Variants in OSBPL10 observed in about 807,000 individuals in gnomAD.
OSBPL10 encodes the protein oxysterol binding protein like 10.
Under a neutral mutation model 81.7 loss-of-function variants are expected in OSBPL10, and 49 were observed. The observed-to-expected ratio is 0.60, with a 90% CI of 0.48 to 0.76. The LOEUF is 0.76. Among genes scored for constraint, OSBPL10 ranks in the 30% least tolerant of loss-of-function variants. OSBPL10 has a pLI of 0.00. For missense variants in OSBPL10, 923 were observed against 987.8 expected (o/e 0.93, Z 0.88); for synonymous variants, 419 against 383.6 (o/e 1.09, Z -1.08).
intron 2 of OSBPL10, chr3:31,989,870 G>T (rs1166721946): frequency 1.2e-6 from 2 of 1,613,952 alleles, no homozygotes; most frequent in African/African-American, 2.7e-5. Context: ...GATGTATGTG[G>T]CAAGGTCTTT....
intron 4 of OSBPL10, among the ~76,000 whole-genome samples, chr3:31,788,733 C>T (rs1017493253): frequency 6.6e-6 from 1 of 151,904 alleles, no homozygotes; most frequent in Non-Finnish European, 1.5e-5. Context: ...AGCTATGATG[C>T]CACCTGTGCA....
At chr3:31,675,721 G>A (rs1700451887) in intron 8 of OSBPL10, among the ~76,000 whole-genome samples, 1 of 152,070 alleles carries the variant, frequency 6.6e-6, no homozygotes, top group African/African-American at 2.4e-5. Flanking sequence ...TGAGGCGGGT[G>A]GATCACGAGG....
At chr3:31,982,469 A>T (rs1025056149), upstream of OSBPL10, among the ~76,000 whole-genome samples, 1 of 152,138 alleles carries the variant, frequency 6.6e-6, no homozygotes, top group African/African-American at 2.4e-5. Context: ...AAAAATTACT[A>T]AATGGAAAAG....
intron 4 of OSBPL10, among the ~76,000 whole-genome samples, chr3:31,808,238 G>C (rs960540265): frequency 3.9e-5 from 6 of 152,168 alleles, no homozygotes; most frequent in Admixed American, 2.0e-4. Context: ...TGGAGGGAAA[G>C]GGGGAGAAAG....
At chr3:31,795,736 C>A in intron 4 of OSBPL10, 1 of 223,438 alleles carries the variant, frequency 4.5e-6, no homozygotes, top group South Asian at 8.8e-5. Context: ...CCTCACTGAT[C>A]ACCAGAAACT....
At chr3:32,031,971 T>C (rs1022853853) in intron 2 of OSBPL10, among the ~76,000 whole-genome samples, 2 of 152,208 alleles carry the variant, frequency 1.3e-5, no homozygotes, top group African/African-American at 4.8e-5. Flanking sequence ...AGATGAGTCA[T>C]TTTAAGAATT....
intron 1 of OSBPL10, among the ~76,000 whole-genome samples, chr3:31,950,051 G>A (rs923270581): frequency 2.0e-4 from 30 of 152,150 alleles, no homozygotes; most frequent in Non-Finnish European, 3.2e-4. Flanking sequence ...CAGGGTATCC[G>A]AAAAGGGCCT....
At chr3:31,990,399 T>C (rs1699011385) in intron 2 of OSBPL10, 1 of 1,613,876 alleles carries the variant, frequency 6.2e-7, no homozygotes, top group African/African-American at 1.3e-5. Flanking sequence ...GTCGTTCATA[T>C]CTCGTAGTTC....
At chr3:31,906,345 A>G (rs1000710854) in intron 1 of OSBPL10, among the ~76,000 whole-genome samples, 1 of 152,184 alleles carries the variant, frequency 6.6e-6, no homozygotes, top group East Asian at 1.9e-4. Context: ...TGCCAATTAA[A>G]CTAGAAATTC....
chr3:31,941,370 T>A (rs1225446023), intron 1 of OSBPL10, among the ~76,000 whole-genome samples: 1 of 152,224 alleles, frequency 6.6e-6, no homozygotes, highest in Non-Finnish European at 1.5e-5. Flanking sequence ...GAGGGCATCC[T>A]GAGCAAAGGG....
In OSBPL10 at chr3:31,664,326, C is replaced by T. The variant is rs551389480; in HGVS notation, c.2097-94G>A. The T allele has an allele frequency of 1.1e-5, 15 of 1,354,962 alleles. No individual in the cohort carries two copies. In the East Asian group the frequency reaches 1.2e-4, roughly 11 times the overall value. The allele number at this position is 1,354,962 out of a possible 1,614,324, so 83.9% of individuals were successfully genotyped here. On this transcript the variant is annotated intron_variant, in intron 10 of 11. Transcript: ENST00000396556. ...AGGAGCAGCCAGAGCAGCGAGGGGC[C>T]GCCAGGCAAGCCCCCTCTGGGGTAG...
At chr3:31,701,560 G>C (rs1695896636) in intron 7 of OSBPL10, 1 of 152,218 alleles carries the variant, frequency 6.6e-6, no homozygotes, top group Non-Finnish European at 1.5e-5. Context: ...CCCAACTGGA[G>C]TAACTGGCTG....
intron 2 of OSBPL10, among the ~76,000 whole-genome samples, chr3:32,033,805 G>A (rs555517280): frequency 6.6e-6 from 1 of 152,312 alleles, no homozygotes; most frequent in East Asian, 1.9e-4. Flanking sequence ...GCTCATGCCT[G>A]TGATCCCAGC....
chr3:32,029,456 CT>C (rs1458813688), intron 2 of OSBPL10, among the ~76,000 whole-genome samples: 1 of 152,140 alleles, frequency 6.6e-6, no homozygotes, highest in Non-Finnish European at 1.5e-5. Context: ...CCAGTCTCTC[CT>C]TCTGCATTAT....
intron 5 of OSBPL10, among the ~76,000 whole-genome samples, chr3:31,733,694 T>C (rs867233162): frequency 3.3e-5 from 5 of 149,372 alleles, no homozygotes; most frequent in African/African-American, 1.2e-4. Context: ...TGTTTTTTTT[T>C]TTTTTTTTTT....
intron 8 of OSBPL10, among the ~76,000 whole-genome samples, chr3:31,671,952 TG>T (rs1700198435): frequency 1.3e-5 from 2 of 152,208 alleles, no homozygotes; most frequent in South Asian, 4.1e-4. Flanking sequence ...TCCAATACTT[TG>T]GCACTTGGCT....
chr3:31,746,534 C>T (rs1007590643), intron 5 of OSBPL10, among the ~76,000 whole-genome samples: 8 of 151,816 alleles, frequency 5.3e-5, no homozygotes, highest in East Asian at 3.9e-4. Context: ...TAAAATTAGT[C>T]GGGTGTGGTG....
intron 4 of OSBPL10, among the ~76,000 whole-genome samples, chr3:31,808,869 T>A (rs1699591283): frequency 6.6e-6 from 1 of 152,250 alleles, no homozygotes; most frequent in Admixed American, 6.5e-5. Flanking sequence ...CTCCCAGAAC[T>A]GGAATCTTGC....
Position 31,683,919 on chromosome 3 carries a change from G to T in OSBPL10, c.1441C>A (p.Pro481Thr). 1 of 1,614,234 alleles carries T rather than the reference G, an allele frequency of 6.2e-7. No homozygotes were observed. Among genetic ancestry groups the T allele is most frequent in the South Asian group, 1.1e-5 (1 of 91,090 alleles). ...KGALAKKPYN[P>T]IIGETFHCSW... ...CAGTGAAATGTCTCGCCTATGATGG[G>T]GTTGTAGGGCTTCTTGGCTAAAGCG... Residue 481 changes from proline (P) to threonine (T), a missense_variant, in exon 8 of 12, where the codon CCC becomes ACC. Coordinates refer to ENST00000396556, the MANE Select transcript of OSBPL10 (RefSeq NM_017784.5).
Sources: allele counts gnomAD v4.1 joint callset (sites outside exome capture counted in the v4.1 genomes callset), GRCh38; gene constraint gnomAD v4.1.1; transcripts MANE v1.5; gene names NCBI Gene and HGNC (gene_info 2026-07-23, HGNC 2026-07-21).